Variants in HMGA2 observed in about 807,000 individuals in gnomAD.
HMGA2 encodes high mobility group protein HMGI-C.
HMGA2 carries 8 observed loss-of-function variants against 19.1 expected under a neutral mutation model. The observed-to-expected ratio is 0.42, with a 90% CI of 0.25 to 0.76. The LOEUF (loss-of-function observed/expected upper bound fraction) is 0.76, where lower values mean the gene tolerates loss of function less well. Ranked by LOEUF, HMGA2 falls within the 30% of genes least tolerant of loss-of-function variation. The probability of loss-of-function intolerance (pLI) is 0.28; values close to 1 mark genes in which losing one functional copy is unlikely to be tolerated. For missense variants in HMGA2, 109 were observed against 136.3 expected (o/e 0.80, Z 1.00); for synonymous variants, 60 against 48.8 (o/e 1.23, Z -0.96).
rs185895431 is a variant in HMGA2, at chr12:65,891,065, C to A, written c.249+52496C>A. On this transcript the variant is annotated intron_variant, in intron 3 of 4. Transcript: ENST00000403681. Reference sequence around the variant, plus strand: ...AATATATTCGTATATGTGAATTGAGCCTTCCATTTCTTCCTTTACCTCCTC... The same window carrying A: ...AATATATTCGTATATGTGAATTGAGACTTCCATTTCTTCCTTTACCTCCTC... Among the ~76,000 whole-genome samples the A allele has an allele frequency of 5.3e-3, 801 of 152,272 alleles. 21 individuals carry two copies. Among genetic ancestry groups the A allele is most frequent in the Admixed American group, 0.045 (689 of 15,296 alleles).
intron 3 of HMGA2, among the ~76,000 whole-genome samples, chr12:65,847,489 A>C (rs1167664285): frequency 6.6e-6 from 1 of 152,230 alleles, no homozygotes; most frequent in Non-Finnish European, 1.5e-5. Flanking sequence ...TTTGTGTTTT[A>C]AAATGAGCTC....
At chr12:65,925,612 C>T (rs1192380801) in intron 3 of HMGA2, among the ~76,000 whole-genome samples, 1 of 152,124 alleles carries the variant, frequency 6.6e-6, no homozygotes, top group Non-Finnish European at 1.5e-5. Context: ...GGAAATTGCT[C>T]CCTGAACTGA....
intron 3 of HMGA2, among the ~76,000 whole-genome samples, chr12:65,904,309 C>G (rs1365480573): frequency 1.3e-5 from 2 of 152,208 alleles, no homozygotes; most frequent in African/African-American, 2.4e-5. Flanking sequence ...ATAGACTCAT[C>G]AAACAATTGA....
chr12:65,839,592 T>C (rs961077936), intron 3 of HMGA2, among the ~76,000 whole-genome samples: 4 of 152,234 alleles, frequency 2.6e-5, no homozygotes, highest in Non-Finnish European at 5.9e-5. Context: ...TTTATTCATC[T>C]TATATTTTTC....
At chr12:65,914,039 T>G (rs950628842) in intron 3 of HMGA2, among the ~76,000 whole-genome samples, 2 of 152,174 alleles carry the variant, frequency 1.3e-5, no homozygotes, top group African/African-American at 4.8e-5. Context: ...TTTTACACTG[T>G]TGGTGGGACT....
chr12:65,844,116 A>T (rs1432957545), intron 3 of HMGA2, among the ~76,000 whole-genome samples: 1 of 151,990 alleles, frequency 6.6e-6, no homozygotes, highest in Non-Finnish European at 1.5e-5. Context: ...AATAATGCAG[A>T]TTGAAGATAA....
rs147338979 is a variant in HMGA2 at position 65,935,351 on chromosome 12, C to T, written c.250-16032C>T. ...ATTAGATGGCTGCTTAACATTTGCT[C>T]GAGAATAATCTATTAGTCATCTAAG... On this transcript the variant is annotated intron_variant, in intron 3 of 4. Transcript: ENST00000403681. 7.9e-5 allele frequency among the ~76,000 whole-genome samples: 12 copies of T among 152,218 alleles called. No homozygotes were observed. In the East Asian group the frequency reaches 1.5e-3, roughly 20 times the overall value.
At chr12:65,932,778 G>A (rs1875761492) in intron 3 of HMGA2, among the ~76,000 whole-genome samples, 1 of 151,530 alleles carries the variant, frequency 6.6e-6, no homozygotes, top group Non-Finnish European at 1.5e-5. Context: ...GAGGGAAACT[G>A]TGCAGCAACA....
At chr12:65,842,389 C>T in intron 3 of HMGA2, 1 of 624,474 alleles carries the variant, frequency 1.6e-6, no homozygotes, top group African/African-American at 1.8e-5. Context: ...TTCATTTTGA[C>T]ATTAGCTGTA....
chr12:65,899,242 A>G (rs1207418241), intron 3 of HMGA2, among the ~76,000 whole-genome samples: 1 of 152,164 alleles, frequency 6.6e-6, no homozygotes, highest in Non-Finnish European at 1.5e-5. Context: ...TTGAATATCC[A>G]AATGTTTCCA....
At chr12:65,908,046 A>G (rs1010028947) in intron 3 of HMGA2, among the ~76,000 whole-genome samples, 3 of 152,236 alleles carry the variant, frequency 2.0e-5, no homozygotes, top group Admixed American at 6.5e-5. Flanking sequence ...TTAAGCATTT[A>G]GAGGAAACCA....
intron 2 of HMGA2, among the ~76,000 whole-genome samples, chr12:65,834,716 G>A (rs967348948): frequency 1.4e-4 from 21 of 152,016 alleles, no homozygotes; most frequent in African/African-American, 5.1e-4. Flanking sequence ...CTGTTTTCAA[G>A]CTCAAGAGAT....
chr12:65,958,027 GTCACAT>G (rs1876649688), intron 4 of HMGA2: 1 of 152,140 alleles, frequency 6.6e-6, no homozygotes, highest in Admixed American at 6.5e-5. Flanking sequence ...CCAAGTGGTG[GTCACAT>G]TTCTTACACA....
intron 1 of HMGA2, chr12:65,826,885 T>C (rs1870233493): frequency 6.6e-6 from 1 of 152,086 alleles, no homozygotes; most frequent in Admixed American, 6.5e-5. Flanking sequence ...AAAATTTGTC[T>C]CCGATGTGTT....
chr12:65,919,591 T>C (rs1026574133), intron 3 of HMGA2, among the ~76,000 whole-genome samples: 37 of 152,368 alleles, frequency 2.4e-4, no homozygotes, highest in African/African-American at 7.0e-4. Flanking sequence ...AACATTTATG[T>C]AAATCTGCCA....
intron 4 of HMGA2, chr12:65,953,756 A>C (rs1876529569): frequency 6.6e-6 from 1 of 152,212 alleles, no homozygotes; most frequent in Non-Finnish European, 1.5e-5. Flanking sequence ...TACCTAATTT[A>C]TATTGTGTAA....
chr12:65,848,891 A>G (rs1871340547), intron 3 of HMGA2, among the ~76,000 whole-genome samples: 1 of 152,216 alleles, frequency 6.6e-6, no homozygotes, highest in South Asian at 2.1e-4. Context: ...AGCATTACCA[A>G]TAACGGAAGT....
chr12:65,914,733 G>T, intron 3 of HMGA2: 1 of 349,952 alleles, frequency 2.9e-6, no homozygotes, highest in East Asian at 5.8e-5. Context: ...GGAGTGCAGT[G>T]GTACAATCTC....
intron 3 of HMGA2, among the ~76,000 whole-genome samples, chr12:65,897,032 C>T (rs113029383): frequency 5.8e-4 from 88 of 152,286 alleles, no homozygotes; most frequent in African/African-American, 1.7e-3. Flanking sequence ...AACCTGATTC[C>T]TGCAATAGTG....
Sources: allele counts gnomAD v4.1 joint callset (sites outside exome capture counted in the v4.1 genomes callset), GRCh38; gene constraint gnomAD v4.1.1; transcripts MANE v1.5; gene names NCBI Gene and HGNC (gene_info 2026-07-23, HGNC 2026-07-21).